COMMD5: variants seen among roughly 807,000 people sequenced by gnomAD.
The protein encoded by COMMD5 is COMM domain containing 5.
Under a neutral mutation model 6.9 loss-of-function variants are expected in COMMD5, and 10 were observed. That is an observed-to-expected ratio of 1.44 (90% CI 0.89 to 2.45). The LOEUF (loss-of-function observed/expected upper bound fraction) is 2.45. Among genes scored for constraint, COMMD5 ranks in the 30% most tolerant of loss-of-function variants. The probability of loss-of-function intolerance (pLI) is 0.00; values close to 1 mark genes in which losing one functional copy is unlikely to be tolerated. For synonymous variants in COMMD5, 127 were observed against 125.3 expected (o/e 1.01, Z -0.09); for missense variants, 234 against 287.8 (o/e 0.81, Z 1.35).
At chr8:144,841,315 C>T in exon 2 of COMMD5, 1 of 1,550,946 alleles carries the variant, frequency 6.4e-7, no homozygotes, top group Non-Finnish European at 8.7e-7. Flanking sequence ...TTTCTCTGAG[C>T]ACAGGGCCTA....
exon 2 of COMMD5, chr8:144,841,117 C>T (rs1829848815): frequency 2.0e-6 from 1 of 507,944 alleles, no homozygotes; most frequent in Non-Finnish European, 3.5e-6. Context: ...TCACAGAACC[C>T]AGCCCTGCCC....
At chr8:144,847,801 G>A (rs1206556542), downstream of COMMD5, among the ~76,000 whole-genome samples, 1 of 152,202 alleles carries the variant, frequency 6.6e-6, no homozygotes, top group Non-Finnish European at 1.5e-5. Context: ...CTAAGGCCAA[G>A]AAAACCAAGG....
At position 144,851,386 on chromosome 8, in the gene COMMD5, A is replaced by C. The variant is rs752367594; in HGVS notation, c.-48T>G. The C allele has an allele frequency of 3.2e-6, 5 of 1,562,712 alleles. No homozygotes were observed. The highest frequency in any genetic ancestry group is 1.7e-4 in the Middle Eastern group (1 of 5,792). The stretch of plus-strand genomic sequence containing the variant: ...AGCCAGCCCAGGAGGTCGGTCCCAG[A>C]TGCAGATGCCTAGAGTGGGGTGGAG... On this transcript the variant is annotated 5_prime_UTR_variant, in exon 2 of 2. Coordinates refer to ENST00000305103, the MANE Select transcript of COMMD5 (RefSeq NM_014066.4).
downstream of COMMD5, chr8:144,840,939 C>T (rs1020786267): frequency 1.1e-4 from 19 of 168,570 alleles, no homozygotes; most frequent in Non-Finnish European, 1.8e-4. Flanking sequence ...CCATGCTCTC[C>T]ATTCAGAACT....
At position 144,850,983 on chromosome 8, in the gene COMMD5, G is replaced by A; in HGVS notation, c.356C>T (p.Pro119Leu). ...FRDQLQELCI[P>L]QDLVGDLASV... ...GGCCAAGTCCCCGACCAGGTCTTGG[G>A]GGATGCAGAGCTCCTGGAGCTGGTC... Residue 119 changes from proline (P) to leucine (L), a missense_variant, in exon 2 of 2, where the codon CCC becomes CTC. Pro to Leu is a moderately conservative substitution (Grantham distance 98). Coordinates refer to ENST00000305103, the MANE Select transcript of COMMD5 (RefSeq NM_014066.4). The surrounding 1 kb of genome is among the most constrained non-coding windows in gnomAD (Gnocchi z 4.0). 1 of 1,612,188 alleles carries A rather than the reference G, an allele frequency of 6.2e-7. No individual in the cohort carries two copies. Among genetic ancestry groups the A allele is most frequent in the Non-Finnish European group, 8.5e-7 (1 of 1,179,632 alleles).
intron 1 of COMMD5, chr8:144,842,867 G>T: frequency 6.2e-7 from 1 of 1,614,216 alleles, no homozygotes. Context: ...AGTGAGTGTG[G>T]AAAAGCCTTC....
chr8:144,843,342 C>G, intron 1 of COMMD5: 1 of 775,468 alleles, frequency 1.3e-6, no homozygotes, highest in Non-Finnish European at 1.9e-6. Flanking sequence ...GTCATCCCAG[C>G]ACTTTGGGAG....
intron 1 of COMMD5, chr8:144,843,269 G>C (rs773950570): frequency 7.3e-7 from 1 of 1,377,846 alleles, no homozygotes; most frequent in Non-Finnish European, 9.8e-7. Flanking sequence ...TAGAATGTTG[G>C]TAAAGGTTCA....
intron 1 of COMMD5, among the ~76,000 whole-genome samples, chr8:144,851,701 A>C (rs1386971727): frequency 6.6e-6 from 1 of 152,030 alleles, no homozygotes; most frequent in African/African-American, 2.4e-5. Flanking sequence ...TAGATGAAAG[A>C]ATGAACTAGG....
At chr8:144,841,212 T>C in exon 2 of COMMD5, 1 of 808,376 alleles carries the variant, frequency 1.2e-6, no homozygotes, top group Non-Finnish European at 2.0e-6. Flanking sequence ...AGGCTCTGCC[T>C]TCTCTTGCAC....
intron 1 of COMMD5, among the ~76,000 whole-genome samples, chr8:144,845,063 T>TGG (rs1830437505): frequency 6.6e-6 from 1 of 152,096 alleles, no homozygotes; most frequent in South Asian, 2.1e-4. Flanking sequence ...CCAATTGCCT[T>TGG]ACTTTACAGG....
At chr8:144,844,722 A>AAAAC (rs1322927699) in intron 1 of COMMD5, among the ~76,000 whole-genome samples, 6 of 58,802 alleles carry the variant, frequency 1.0e-4, no homozygotes, top group African/African-American at 3.8e-4. Context: ...AAAAAAAAAA[A>AAAAC]AAAAAAAAAA....
At chr8:144,838,200 C>T (rs755613782), downstream of COMMD5, 34 of 698,444 alleles carry the variant, frequency 4.9e-5, no homozygotes, top group South Asian at 1.2e-4. Flanking sequence ...CTTCTCCCTG[C>T]GTGTCTGTGT....
rs1403703068 is a variant in COMMD5 at position 144,850,333 on chromosome 8, C to G, written c.*331G>C. On this transcript the variant is annotated 3_prime_UTR_variant, in exon 2 of 2. Transcript: ENST00000305103. This position sits in a 1 kb window ranked among gnomAD's most constrained non-coding sequence, Gnocchi z 4.0. ...AAGCACCTGGCTACATGGGGCCAGGCTGAGCAACTGTATGTTGTCTACAAA... is the reference window on the plus strand; with the variant it reads ...AAGCACCTGGCTACATGGGGCCAGGGTGAGCAACTGTATGTTGTCTACAAA... 2 of 243,244 alleles carry G rather than the reference C, an allele frequency of 8.2e-6. No homozygotes were observed. The highest frequency in any genetic ancestry group is 8.0e-6 in the Non-Finnish European group (1 of 124,902). 15.1% of individuals were successfully genotyped at this position (243,244 alleles called of 1,614,324 possible).
At chr8:144,841,520 G>A in exon 2 of COMMD5, 1 of 1,614,190 alleles carries the variant, frequency 6.2e-7, no homozygotes, top group Non-Finnish European at 8.5e-7. Flanking sequence ...CATCTGGGCA[G>A]TCCCGGGCTG....
At chr8:144,841,192 G>A in exon 2 of COMMD5, 1 of 708,208 alleles carries the variant, frequency 1.4e-6, no homozygotes, top group Non-Finnish European at 2.4e-6. Context: ...CCACTTTTGA[G>A]AACTGTCAAA....
rs867172989 is a variant in COMMD5 at position 144,841,657 on chromosome 8, C to T, written c.*203G>A. The T allele has an allele frequency of 1.1e-5, 18 of 1,614,174 alleles. No homozygotes were observed. The Middle Eastern group carries it at 3.0e-3, about 266-fold the overall frequency. On this transcript the variant is annotated 3_prime_UTR_variant and NMD_transcript_variant, in exon 2 of 2. Coordinates refer to the COMMD5 transcript ENST00000530332. ...AAGCAGCGGCCTGGATTGTCAGCCTCTTGAAAGTCAGGGAGAGAGTGCGGA... is the reference window on the plus strand; with the variant it reads ...AAGCAGCGGCCTGGATTGTCAGCCTTTTGAAAGTCAGGGAGAGAGTGCGGA...
intron 1 of COMMD5, chr8:144,843,303 C>T (rs2130732462): frequency 1.7e-6 from 2 of 1,161,664 alleles, no homozygotes; most frequent in African/African-American, 3.1e-5. Flanking sequence ...GAATATCCAA[C>T]TTCAGGCCGA....
chr8:144,843,891 A>G (rs1830323434), intron 1 of COMMD5: 1 of 152,256 alleles, frequency 6.6e-6, no homozygotes, highest in Non-Finnish European at 1.5e-5. Flanking sequence ...AGGAGTGCCT[A>G]GAATTCCAAC....
Sources: allele counts gnomAD v4.1 joint callset (sites outside exome capture counted in the v4.1 genomes callset), GRCh38; gene constraint gnomAD v4.1.1; non-coding constraint Gnocchi (gnomAD v3.1); transcripts MANE v1.5; gene names NCBI Gene and HGNC (gene_info 2026-07-23, HGNC 2026-07-21).